Variants in C8orf34 observed in about 807,000 individuals in gnomAD.
C8orf34 encodes uncharacterized protein C8orf34.
Under a neutral mutation model 68.3 loss-of-function variants are expected in C8orf34, and 65 were observed. That is an observed-to-expected ratio of 0.95 (90% CI 0.78 to 1.17). The LOEUF is 1.17. Among genes scored for constraint, C8orf34 ranks in the 50% most tolerant of loss-of-function variants. C8orf34 has a pLI of 0.00. For missense variants in C8orf34, 664 were observed against 655.4 expected (o/e 1.01, Z -0.14); for synonymous variants, 244 against 241.2 (o/e 1.01, Z -0.11).
chr8:68,569,860 T>C (rs1421546341), intron 7 of C8orf34, among the ~76,000 whole-genome samples: 1 of 152,186 alleles, frequency 6.6e-6, no homozygotes, highest in East Asian at 1.9e-4. Context: ...GCCACCTCTG[T>C]AGAGTGCCTA....
At chr8:68,637,033 A>G (rs1818867450) in intron 7 of C8orf34, among the ~76,000 whole-genome samples, 1 of 152,212 alleles carries the variant, frequency 6.6e-6, no homozygotes, top group South Asian at 2.1e-4. Flanking sequence ...GCCTTTTGTC[A>G]AGCTGACATG....
chr8:68,684,379 A>G (rs1441309531), intron 8 of C8orf34, among the ~76,000 whole-genome samples: 3 of 152,192 alleles, frequency 2.0e-5, no homozygotes, highest in East Asian at 1.9e-4. Context: ...GGCATAAAGT[A>G]TTAGGATTTA....
rs780691715 is a variant in C8orf34 at position 68,446,447 on chromosome 8, G to A, written c.594G>A (p.Pro198=). The change falls in exon 3 of 14, where the codon CCG becomes CCA. Residue 198 remains proline (P), a synonymous_variant. Coordinates refer to ENST00000518698, the MANE Select transcript of C8orf34 (RefSeq NM_052958.4). ...TGTCTAATATTTCTCCACCATCACC[G>A]GACTCCAAATCATGTAAGGAAGTCT... The part of the protein sequence containing the change: ...LAVSNISPPS[P]DSKSLPRSVE... The A allele has an allele frequency of 2.2e-5, 36 of 1,611,480 alleles. No individual in the cohort carries two copies. The highest frequency in any genetic ancestry group is 5.5e-5 in the South Asian group (5 of 90,514).
chr8:68,419,630 A>G (rs1266115857), intron 1 of C8orf34, among the ~76,000 whole-genome samples: 9 of 151,718 alleles, frequency 5.9e-5, no homozygotes, highest in Non-Finnish European at 1.3e-4. Flanking sequence ...CATATACACC[A>G]TGGAATACTA....
chr8:68,420,780 T>C (rs575117632), intron 1 of C8orf34, among the ~76,000 whole-genome samples: 1 of 151,602 alleles, frequency 6.6e-6, no homozygotes, highest in South Asian at 2.1e-4. Context: ...ACGGGCTTAA[T>C]AGCAGGATTA....
chr8:68,401,054 A>T (rs1808929448), intron 1 of C8orf34, among the ~76,000 whole-genome samples: 1 of 147,696 alleles, frequency 6.8e-6, no homozygotes, highest in Admixed American at 6.7e-5. Context: ...GGTTTCTTTC[A>T]TCAGTGTTTT....
At chr8:68,723,826 T>C (rs1185900066) in intron 10 of C8orf34, among the ~76,000 whole-genome samples, 2 of 152,176 alleles carry the variant, frequency 1.3e-5, no homozygotes, top group African/African-American at 4.8e-5. Flanking sequence ...TTAGCTTTAT[T>C]TGACCGAAGT....
At chr8:68,398,058 T>C (rs1311980851) in intron 1 of C8orf34, among the ~76,000 whole-genome samples, 1 of 152,130 alleles carries the variant, frequency 6.6e-6, no homozygotes, top group African/African-American at 2.4e-5. Flanking sequence ...CGTGAGCCAC[T>C]GCACCTGGCC....
At chr8:68,592,704 G>A (rs1400225011) in intron 7 of C8orf34, among the ~76,000 whole-genome samples, 4 of 147,858 alleles carry the variant, frequency 2.7e-5, no homozygotes, top group African/African-American at 1.0e-4. Flanking sequence ...TGCCTCCCAG[G>A]TTCAAGTGAT....
intron 10 of C8orf34, among the ~76,000 whole-genome samples, chr8:68,763,106 T>C (rs541907362): frequency 3.9e-5 from 6 of 152,186 alleles, no homozygotes; most frequent in African/African-American, 1.4e-4. Context: ...TGGAGTAAGA[T>C]GGACTTATTT....
intron 3 of C8orf34, among the ~76,000 whole-genome samples, chr8:68,452,622 T>A (rs1190221834): frequency 6.6e-6 from 1 of 150,590 alleles, no homozygotes; most frequent in Non-Finnish European, 1.5e-5. Flanking sequence ...TTGTTACTCT[T>A]TATTCTTGAG....
chr8:68,505,627 A>G (rs1325223473), intron 5 of C8orf34, among the ~76,000 whole-genome samples: 1 of 131,160 alleles, frequency 7.6e-6, no homozygotes, highest in Non-Finnish European at 1.5e-5. Context: ...GCTACTCGGG[A>G]GGCTGAGGCA....
chr8:68,540,148 G>A (rs187825803), intron 7 of C8orf34, among the ~76,000 whole-genome samples: 38 of 151,642 alleles, frequency 2.5e-4, no homozygotes, highest in Admixed American at 1.8e-3. Context: ...TTTTTAAATT[G>A]CTCTGAAACT....
At chr8:68,412,255 C>A (rs1809474859) in intron 1 of C8orf34, among the ~76,000 whole-genome samples, 1 of 152,136 alleles carries the variant, frequency 6.6e-6, no homozygotes, top group African/African-American at 2.4e-5. Flanking sequence ...TGGTGCTCTG[C>A]ATATTTGGGA....
At chr8:68,498,401 CAAGT>C (rs1165815807) in intron 5 of C8orf34, among the ~76,000 whole-genome samples, 2 of 152,056 alleles carry the variant, frequency 1.3e-5, no homozygotes, top group Non-Finnish European at 2.9e-5. Context: ...CAAAATGAAA[CAAGT>C]GAGCACAACT....
At chr8:68,630,714 T>G (rs1447428560) in intron 7 of C8orf34, among the ~76,000 whole-genome samples, 1 of 152,112 alleles carries the variant, frequency 6.6e-6, no homozygotes, top group African/African-American at 2.4e-5. Context: ...GTCCTACAAT[T>G]AATGTTTATA....
At chr8:68,564,176 T>C (rs1048385673) in intron 7 of C8orf34, among the ~76,000 whole-genome samples, 3 of 152,204 alleles carry the variant, frequency 2.0e-5, no homozygotes, top group Non-Finnish European at 4.4e-5. Context: ...TTTCTGAAAT[T>C]TTTAACATTT....
intron 7 of C8orf34, among the ~76,000 whole-genome samples, chr8:68,571,894 A>G (rs141644852): frequency 0.03 from 4,532 of 152,232 alleles, 101 homozygotes; most frequent in Non-Finnish European, 0.045. Context: ...TTGCTTAACA[A>G]TGGGGATGCA....
Position 68,521,836 on chromosome 8 carries a change from G to T in C8orf34, c.803G>T (p.Arg268Leu). ...VTFNSSLLRPRVIGEWIGREE... is the reference protein window; with the variant it reads ...VTFNSSLLRPLVIGEWIGREE... The stretch of plus-strand genomic sequence containing the variant: ...TTTAATTCTTCTCTTCTGAGGCCCC[G>T]TGTGATTGGAGAATGGATTGGTAGA... The change falls in exon 6 of 14, where the codon CGT (arginine) becomes CTT (leucine). Residue 268 changes from arginine to leucine, a missense_variant. Arg to Leu is a moderately radical substitution (Grantham distance 102, BLOSUM62 -2). Transcript: ENST00000518698. 1.2e-6 allele frequency: 2 copies of T among 1,613,822 alleles called. No individual in the cohort carries two copies. Among genetic ancestry groups the T allele is most frequent in the Non-Finnish European group, 1.7e-6 (2 of 1,179,898 alleles).
Sources: allele counts gnomAD v4.1 joint callset (sites outside exome capture counted in the v4.1 genomes callset), GRCh38; gene constraint gnomAD v4.1.1; transcripts MANE v1.5; gene names NCBI Gene and HGNC (gene_info 2026-07-23, HGNC 2026-07-21).